The following SORCS3 variants were observed in gnomAD, a reference collection of about 807,000 sequenced individuals.
The protein encoded by SORCS3 is VPS10 domain-containing receptor SorCS3.
In SORCS3, 57 loss-of-function variants were observed where a neutral mutation model predicts 146.3. That is an observed-to-expected ratio of 0.39 (90% CI 0.31 to 0.49). The LOEUF is 0.49. SORCS3 is among the 20% of genes least tolerant of loss of function. The pLI is 0.92. For missense variants in SORCS3, 1,341 were observed against 1,575.5 expected (o/e 0.85, Z 2.52); for synonymous variants, 653 against 618.5 (o/e 1.06, Z -0.83).
At position 104,915,941 on chromosome 10, in the gene SORCS3, C is replaced by T; in HGVS notation, c.795+9C>T. ...CAACCAACAAAAGGAAGGTAAGAGA[C>T]TGGGTCAGTAGGTCCTGAGCACTCC... On this transcript the variant is annotated intron_variant, in intron 3 of 26. Coordinates refer to ENST00000369701, the MANE Select transcript of SORCS3 (RefSeq NM_014978.3). 1 of 1,608,376 alleles carries T rather than the reference C, an allele frequency of 6.2e-7. No homozygotes were observed. The highest frequency in any genetic ancestry group is 8.5e-7 in the Non-Finnish European group (1 of 1,174,782).
intron 25 of SORCS3, among the ~76,000 whole-genome samples, chr10:105,260,963 A>G (rs1261917812): frequency 6.6e-6 from 1 of 152,206 alleles, no homozygotes; most frequent in Admixed American, 6.5e-5. Flanking sequence ...ATTGACAAAT[A>G]TAGTATAGTA....
intron 2 of SORCS3, among the ~76,000 whole-genome samples, chr10:104,886,630 G>A (rs185522593): frequency 8.6e-5 from 13 of 151,150 alleles, no homozygotes; most frequent in African/African-American, 3.2e-4. Flanking sequence ...AAACCTAGAT[G>A]TAGAATTAAA....
intron 1 of SORCS3, among the ~76,000 whole-genome samples, chr10:104,775,343 A>C (rs746944140): frequency 6.6e-6 from 1 of 152,224 alleles, no homozygotes; most frequent in African/African-American, 2.4e-5. Flanking sequence ...GTAAGTGCTC[A>C]GTAAGTGTTA....
At chr10:104,910,580 C>T (rs1268514463) in intron 2 of SORCS3, among the ~76,000 whole-genome samples, 3 of 152,168 alleles carry the variant, frequency 2.0e-5, no homozygotes, top group Non-Finnish European at 2.9e-5. Flanking sequence ...AGCTGCTGAA[C>T]ATATATCCTA....
intron 1 of SORCS3, among the ~76,000 whole-genome samples, chr10:104,764,477 A>G (rs2133479030): frequency 6.6e-6 from 1 of 152,336 alleles, no homozygotes; most frequent in South Asian, 2.1e-4. Flanking sequence ...ATTATTTGCA[A>G]AAATGATTGC....
chr10:105,257,903 G>T (rs1240261449), intron 25 of SORCS3, among the ~76,000 whole-genome samples: 5 of 152,074 alleles, frequency 3.3e-5, no homozygotes. Context: ...CTAGAAATGT[G>T]CTCCCTGGGA....
intron 2 of SORCS3, among the ~76,000 whole-genome samples, chr10:104,860,607 C>T (rs1285369805): frequency 6.6e-6 from 1 of 152,056 alleles, no homozygotes; most frequent in Non-Finnish European, 1.5e-5. Flanking sequence ...ATGAAAACAA[C>T]AACAGCAGCA....
intron 5 of SORCS3, among the ~76,000 whole-genome samples, chr10:105,046,009 T>A (rs2055369436): frequency 6.6e-6 from 1 of 152,116 alleles, no homozygotes; most frequent in Non-Finnish European, 1.5e-5. Flanking sequence ...GTTCTCTACT[T>A]TTTGTTGAGT....
chr10:104,861,595 C>G (rs71473536), intron 2 of SORCS3, among the ~76,000 whole-genome samples: 1 of 152,184 alleles, frequency 6.6e-6, no homozygotes, highest in Non-Finnish European at 1.5e-5. Flanking sequence ...ACACACACCT[C>G]CCCCGAGCCT....
chr10:104,971,097 C>T (rs1311603209), intron 3 of SORCS3, among the ~76,000 whole-genome samples: 1 of 152,192 alleles, frequency 6.6e-6, no homozygotes, highest in Non-Finnish European at 1.5e-5. Context: ...AAGCCAGAGA[C>T]ATAAACAGGG....
chr10:104,906,435 T>C (rs2018905881), intron 2 of SORCS3, among the ~76,000 whole-genome samples: 1 of 152,200 alleles, frequency 6.6e-6, no homozygotes, highest in Non-Finnish European at 1.5e-5. Flanking sequence ...CAGCTGCTGT[T>C]TGCCCAGAAA....
chr10:104,781,580 G>T (rs1461899590), intron 1 of SORCS3, among the ~76,000 whole-genome samples: 1 of 152,270 alleles, frequency 6.6e-6, no homozygotes, highest in East Asian at 1.9e-4. Flanking sequence ...ACACAAATAT[G>T]TGTACACACA....
rs560388528 is a variant in SORCS3 at position 105,210,709 on chromosome 10, CTA to C, written c.2262-426_2262-425del. Reference sequence around the variant, plus strand: ...CTCATCAGGAAAAGTTTGAATGACTCTATGTGTCCATGTGAATGGACATGTAT... The same window carrying C: ...CTCATCAGGAAAAGTTTGAATGACTCTGTGTCCATGTGAATGGACATGTAT... On this transcript the variant is annotated intron_variant, in intron 16 of 26. Transcript: ENST00000369701. Among the ~76,000 whole-genome samples the C allele has an allele frequency of 1.7e-4, 26 of 152,270 alleles. No homozygotes were observed. In the East Asian group the frequency reaches 5.0e-3, roughly 29 times the overall value.
intron 2 of SORCS3, among the ~76,000 whole-genome samples, chr10:104,912,988 G>C (rs944707845): frequency 6.6e-6 from 1 of 152,144 alleles, no homozygotes; most frequent in African/African-American, 2.4e-5. Context: ...GAGATGATGC[G>C]TACAGCAGCG....
At chr10:104,677,857 AAGAG>A (rs138750895) in intron 1 of SORCS3, among the ~76,000 whole-genome samples, 2 of 150,396 alleles carry the variant, frequency 1.3e-5, no homozygotes, top group African/African-American at 2.4e-5. Context: ...ATAGGGGGTG[AAGAG>A]AGAGAGAGAG....
At chr10:105,174,156 C>T (rs1347277023) in intron 13 of SORCS3, among the ~76,000 whole-genome samples, 4 of 152,160 alleles carry the variant, frequency 2.6e-5, no homozygotes, top group Non-Finnish European at 5.9e-5. Flanking sequence ...GCATCAGTAA[C>T]ATTTTGATAA....
chr10:105,077,008 G>T (rs1486284475), intron 5 of SORCS3, among the ~76,000 whole-genome samples: 2 of 152,166 alleles, frequency 1.3e-5, no homozygotes, highest in Non-Finnish European at 2.9e-5. Flanking sequence ...CTCTACCCGT[G>T]GGGATTGGCC....
chr10:105,227,321 A>G (rs910555159), intron 20 of SORCS3, among the ~76,000 whole-genome samples: 1 of 152,086 alleles, frequency 6.6e-6, no homozygotes, highest in Non-Finnish European at 1.5e-5. Flanking sequence ...ATTCAGAAGC[A>G]TATCATTTAA....
At position 105,173,243 on chromosome 10, in the gene SORCS3, C is replaced by A. The variant is rs866806595; in HGVS notation, c.1902-4823C>A. On this transcript the variant is annotated intron_variant, in intron 13 of 26. Transcript: ENST00000369701. Reference sequence around the variant, plus strand: ...AGGATAATCGCTTGAACCCAGGAGGCAGAGATTGCAGTGAGCCGAGATCGA... The same window carrying A: ...AGGATAATCGCTTGAACCCAGGAGGAAGAGATTGCAGTGAGCCGAGATCGA... Among the ~76,000 whole-genome samples, 3 of 151,716 alleles carry A rather than the reference C, an allele frequency of 2.0e-5. No individual in the cohort carries two copies. In the South Asian group the frequency reaches 6.3e-4, roughly 32 times the overall value.
Sources: gnomAD v4.1 joint callset for allele counts (sites outside exome capture counted in the v4.1 genomes callset) on GRCh38, gnomAD v4.1.1 for gene constraint, MANE v1.5 for transcripts, NCBI Gene and HGNC (gene_info 2026-07-23, HGNC 2026-07-21) for gene names.